Variants in TBC1D22A observed in about 807,000 individuals in gnomAD.
TBC1D22A encodes the protein putative GTPase activator.
Under a neutral mutation model 60.2 loss-of-function variants are expected in TBC1D22A, and 38 were observed. That is an observed-to-expected ratio of 0.63 (90% CI 0.49 to 0.83). The LOEUF is 0.83. TBC1D22A is among the 40% of genes least tolerant of loss of function. The pLI is 0.00. For missense variants in TBC1D22A, 628 were observed against 701.0 expected (o/e 0.90, Z 1.18); for synonymous variants, 302 against 281.7 (o/e 1.07, Z -0.72).
At chr22:46,781,285 C>T (rs1180402522) in intron 1 of TBC1D22A, among the ~76,000 whole-genome samples, 1 of 152,022 alleles carries the variant, frequency 6.6e-6, no homozygotes, top group East Asian at 1.9e-4. Context: ...AGGTGATCTT[C>T]CCACCTCAGC....
intron 4 of TBC1D22A, among the ~76,000 whole-genome samples, chr22:46,845,668 C>T (rs1282126183): frequency 6.6e-6 from 1 of 152,198 alleles, no homozygotes; most frequent in Non-Finnish European, 1.5e-5. Flanking sequence ...GCCAGCTCTT[C>T]ATGTAGCGAT....
Position 46,903,206 on chromosome 22 carries a change from C to T in TBC1D22A, c.900+8360C>T, listed in dbSNP as rs531141139. On this transcript the variant is annotated intron_variant, in intron 7 of 12. Transcript: ENST00000337137. ...CCTCAGCCTGGTGGGCGTTCGGGAC[C>T]GAGGGCTGAGGGCCGAGGGTTGAGG... Among the ~76,000 whole-genome samples the T allele has an allele frequency of 2.7e-3, 407 of 152,268 alleles. 1 individual carries two copies. Among genetic ancestry groups the T allele is most frequent in the African/African-American group, 8.1e-3 (335 of 41,568 alleles).
At chr22:46,864,542 T>C (rs2147378340) in intron 4 of TBC1D22A, among the ~76,000 whole-genome samples, 1 of 152,352 alleles carries the variant, frequency 6.6e-6, no homozygotes, top group Admixed American at 6.5e-5. Flanking sequence ...ACATTCCGCT[T>C]TCCACAAACA....
intron 7 of TBC1D22A, among the ~76,000 whole-genome samples, chr22:46,909,606 C>T (rs886470701): frequency 6.6e-6 from 1 of 152,180 alleles, no homozygotes; most frequent in Non-Finnish European, 1.5e-5. Flanking sequence ...GTGTGGCCAG[C>T]TTCCGTGGAG....
At chr22:47,165,622 G>C (rs1053391537) in intron 12 of TBC1D22A, among the ~76,000 whole-genome samples, 7 of 152,134 alleles carry the variant, frequency 4.6e-5, no homozygotes, top group Non-Finnish European at 1.0e-4. Flanking sequence ...GGTGCCACAG[G>C]GTTGCCGGGC....
chr22:47,048,206 G>A (rs552704985), intron 11 of TBC1D22A, among the ~76,000 whole-genome samples: 26 of 152,256 alleles, frequency 1.7e-4, no homozygotes, highest in Admixed American at 6.5e-4. Flanking sequence ...GTGTGGACCC[G>A]TCTTATGTGT....
At chr22:46,976,370 A>G (rs1353518860) in intron 9 of TBC1D22A, among the ~76,000 whole-genome samples, 1 of 152,142 alleles carries the variant, frequency 6.6e-6, no homozygotes, top group Non-Finnish European at 1.5e-5. Context: ...TGGATTCCAC[A>G]TGATCCTCCC....
intron 12 of TBC1D22A, among the ~76,000 whole-genome samples, chr22:47,154,626 A>G (rs2063803800): frequency 6.6e-6 from 1 of 152,120 alleles, no homozygotes; most frequent in African/African-American, 2.4e-5. Context: ...CCTGCCCTGG[A>G]GCAGGTAGCG....
intron 5 of TBC1D22A, among the ~76,000 whole-genome samples, chr22:46,886,973 C>A (rs1370367215): frequency 1.3e-5 from 2 of 152,124 alleles, no homozygotes; most frequent in Non-Finnish European, 2.9e-5. Context: ...GGAATATGGC[C>A]ATGATTTTAA....
chr22:46,804,456 T>C (rs4823877), intron 4 of TBC1D22A, among the ~76,000 whole-genome samples: 109,314 of 151,616 alleles, frequency 0.72, 39,457 homozygotes, highest in Middle Eastern at 0.83. Context: ...TCTTACCAGT[T>C]TTTCAGAGCT....
chr22:46,931,905 G>T (rs2071373659), intron 8 of TBC1D22A, among the ~76,000 whole-genome samples: 1 of 152,162 alleles, frequency 6.6e-6, no homozygotes, highest in African/African-American at 2.4e-5. Flanking sequence ...AAGCTTAATG[G>T]CATTTAGTTA....
At chr22:47,084,349 G>A (rs2064594648) in intron 11 of TBC1D22A, among the ~76,000 whole-genome samples, 1 of 152,198 alleles carries the variant, frequency 6.6e-6, no homozygotes, top group Non-Finnish European at 1.5e-5. Context: ...GGTGACGACT[G>A]GACCGGCAGC....
At chr22:46,952,610 C>T (rs1399104244) in intron 8 of TBC1D22A, among the ~76,000 whole-genome samples, 1 of 152,194 alleles carries the variant, frequency 6.6e-6, no homozygotes, top group Non-Finnish European at 1.5e-5. Flanking sequence ...GAGCTCCACT[C>T]CCTTGTATCC....
At chr22:46,767,615 A>G (rs1326043997) in intron 1 of TBC1D22A, among the ~76,000 whole-genome samples, 1 of 152,148 alleles carries the variant, frequency 6.6e-6, no homozygotes, top group Non-Finnish European at 1.5e-5. Flanking sequence ...AACTGTTGGA[A>G]GGTGACAGCT....
chr22:47,079,010 C>T lies in TBC1D22A; in HGVS notation c.1330-32498C>T, dbSNP rs142809943. 4.1e-3 allele frequency among the ~76,000 whole-genome samples: 622 copies of T among 151,584 alleles called. 4 individuals are homozygous for T. The highest frequency in any genetic ancestry group is 0.015 in the African/African-American group (600 of 41,276). On this transcript the variant is annotated intron_variant, in intron 11 of 12. Transcript: ENST00000337137. ...CCTCTCTAAACACCCTGTATATATA[C>T]GAACAAGAGAGCGCTACTTTACGTG...
intron 8 of TBC1D22A, among the ~76,000 whole-genome samples, chr22:46,972,231 G>A (rs765882121): frequency 3.9e-5 from 6 of 152,218 alleles, no homozygotes; most frequent in Non-Finnish European, 8.8e-5. Flanking sequence ...TAACATTGAT[G>A]TTTCCAATCT....
intron 1 of TBC1D22A, among the ~76,000 whole-genome samples, chr22:46,771,848 G>A (rs2083490946): frequency 6.6e-6 from 1 of 151,988 alleles, no homozygotes; most frequent in Admixed American, 6.5e-5. Flanking sequence ...ACCCGCCTCG[G>A]CCTCCCAGAG....
intron 11 of TBC1D22A, among the ~76,000 whole-genome samples, chr22:47,084,648 CTG>C (rs1219030526): frequency 1.3e-5 from 2 of 152,178 alleles, no homozygotes; most frequent in African/African-American, 4.8e-5. Flanking sequence ...AATGGATAAA[CTG>C]TGGAGTATTG....
chr22:47,109,747 T>C (rs1223134029), intron 11 of TBC1D22A, among the ~76,000 whole-genome samples: 3 of 152,110 alleles, frequency 2.0e-5, no homozygotes, highest in African/African-American at 7.2e-5. Flanking sequence ...CTTGGTTCCT[T>C]TCTCTCCTAC....
Sources: allele counts gnomAD v4.1 joint callset (sites outside exome capture counted in the v4.1 genomes callset), GRCh38; gene constraint gnomAD v4.1.1; transcripts MANE v1.5; gene names NCBI Gene and HGNC (gene_info 2026-07-23, HGNC 2026-07-21).